Variants in CD6 observed in about 807,000 individuals in gnomAD.
CD6 encodes the protein T-cell differentiation antigen CD6.
CD6 carries 53 observed loss-of-function variants against 75.3 expected under a neutral mutation model. That is an observed-to-expected ratio of 0.70 (90% CI 0.56 to 0.88). The LOEUF (loss-of-function observed/expected upper bound fraction) is 0.88. Among genes scored for constraint, CD6 ranks in the 40% least tolerant of loss-of-function variants. The pLI is 0.00. For missense variants in CD6, 770 were observed against 897.1 expected (o/e 0.86, Z 1.81); for synonymous variants, 359 against 381.5 (o/e 0.94, Z 0.69).
chr11:61,018,515 G>A (rs1367327013), intron 12 of CD6, 122 bp downstream of exon 12: 232 of 585,990 alleles, frequency 4.0e-4, no homozygotes, highest in African/African-American at 5.6e-4. Context: ...TAAAAGAAGA[G>A]AGGGAAAGTA....
intron 1 of CD6, among the ~76,000 whole-genome samples, chr11:60,994,088 G>A (rs1348586737): frequency 6.6e-6 from 1 of 152,172 alleles, no homozygotes; most frequent in Admixed American, 6.6e-5. Flanking sequence ...ATGCATGGAA[G>A]GTATCACACA....
chr11:61,011,205 T>TGTGTGTGTA, intron 6 of CD6, 70 bp downstream of exon 6: 1 of 293,498 alleles, frequency 3.4e-6, no homozygotes. Context: ...GTGTGTGTGT[T>TGTGTGTGTA]CCTGTGCACA....
At chr11:61,012,514 AGAAAATGAAGACAGGGAGAGG>A (rs1859200819) in intron 6 of CD6, among the ~76,000 whole-genome samples, 1 of 152,218 alleles carries the variant, frequency 6.6e-6, no homozygotes, top group South Asian at 2.1e-4. Flanking sequence ...CGGGGAGAGG[AGAAAATGAAGACAGGGAGAGG>A]GTTCTCTCCC....
intron 7 of CD6, 144 bp from the exon 8 acceptor site, chr11:61,013,775 T>C (rs1859268547): frequency 2.8e-6 from 2 of 717,130 alleles, no homozygotes; most frequent in Non-Finnish European, 4.7e-6. Flanking sequence ...CCTGTGTTTG[T>C]GTGTGTGTTT....
chr11:60,982,653 C>T lies in CD6; in HGVS notation c.49+10739C>T, dbSNP rs187747567. ...GCACAGTTGCCAAATGGATTCAGCT[C>T]CTTGGAGAAATATGTTGCTTTGCCG... is the stretch of plus-strand genomic sequence containing the variant. On this transcript the variant is annotated intron_variant, in intron 1 of 12. Coordinates refer to ENST00000313421, the MANE Select transcript of CD6 (RefSeq NM_006725.5). 9.2e-5 allele frequency: 42 copies of T among 456,076 alleles called. No homozygotes were observed. The East Asian group carries it at 1.9e-3, about 21-fold the overall frequency. The allele number at this position is 456,076 out of a possible 1,614,324, so 28.3% of individuals were successfully genotyped here.
At chr11:60,972,874 T>A (rs1294084188) in intron 1 of CD6, among the ~76,000 whole-genome samples, 3 of 152,156 alleles carry the variant, frequency 2.0e-5, no homozygotes, top group Non-Finnish European at 4.4e-5. Context: ...TGCCTTGATC[T>A]CCAGGCATGT....
At chr11:60,992,932 G>C (rs552991612) in intron 1 of CD6, among the ~76,000 whole-genome samples, 2 of 152,266 alleles carry the variant, frequency 1.3e-5, no homozygotes, top group East Asian at 1.9e-4. Context: ...GTCTGGCGGG[G>C]GATCAAGAAG....
intron 9 of CD6, 45 bp from the exon 10 acceptor site, chr11:61,017,434 T>C (rs1461354317): frequency 6.9e-7 from 1 of 1,446,356 alleles, no homozygotes; most frequent in Non-Finnish European, 9.5e-7. Flanking sequence ...TCCTAAATGA[T>C]GAGGTTGAGC....
At position 61,008,595 on chromosome 11, in the gene CD6, G is replaced by A. The variant is rs1218410026; in HGVS notation, c.531G>A (p.Leu177=). The part of the protein sequence containing the change: ...GGACAGRVEM[L]EHGEWGSVCD... The stretch of plus-strand genomic sequence containing the variant: ...CCTGCGCCGGCCGCGTGGAGATGCT[G>A]GAGCATGGCGAGTGGGGATCAGTGT... Residue 177 remains leucine (L), a synonymous_variant, in exon 4 of 13, where the codon CTG becomes CTA. Coordinates refer to ENST00000313421, the MANE Select transcript of CD6 (RefSeq NM_006725.5). 1.9e-6 allele frequency: 3 copies of A among 1,607,938 alleles called. No individual in the cohort carries two copies. The South Asian group carries it at 3.3e-5, about 18-fold the overall frequency.
At chr11:60,986,689 C>A (rs928042520) in intron 1 of CD6, among the ~76,000 whole-genome samples, 1 of 152,300 alleles carries the variant, frequency 6.6e-6, no homozygotes, top group African/African-American at 2.4e-5. Flanking sequence ...TTCCTTCCCC[C>A]GCTCTCAACG....
intron 12 of CD6, 85 bp downstream of exon 12, chr11:61,018,478 C>A: frequency 1.3e-6 from 1 of 786,650 alleles, no homozygotes; most frequent in Non-Finnish European, 1.9e-6. Flanking sequence ...GATGCATTCG[C>A]TCAAGGGGAA....
At chr11:61,008,021 C>T in intron 3 of CD6, 111 bp downstream of exon 3, 1 of 656,164 alleles carries the variant, frequency 1.5e-6, no homozygotes, top group Non-Finnish European at 2.2e-6. Flanking sequence ...GACCTCCACC[C>T]CCACCGCCTA....
chr11:61,014,770 C>G (rs1859325389), intron 8 of CD6, among the ~76,000 whole-genome samples: 1 of 151,872 alleles, frequency 6.6e-6, no homozygotes, highest in South Asian at 2.1e-4. Flanking sequence ...AGTCATTCAT[C>G]CTTTATGATA....
intron 9 of CD6, 101 bp from the exon 10 acceptor site, chr11:61,017,378 T>C (rs1409644133): frequency 1.2e-6 from 1 of 862,668 alleles, no homozygotes; most frequent in East Asian, 2.6e-5. Flanking sequence ...CCTCCCACCC[T>C]ATTCAGCCTA....
At chr11:61,012,617 T>A (rs1439061777) in intron 6 of CD6, among the ~76,000 whole-genome samples, 1 of 152,194 alleles carries the variant, frequency 6.6e-6, no homozygotes, top group Non-Finnish European at 1.5e-5. Context: ...CTGTCACTAC[T>A]AGTCATCTAG....
chr11:60,999,346 C>A (rs1858464188), intron 1 of CD6, among the ~76,000 whole-genome samples: 1 of 150,470 alleles, frequency 6.6e-6, no homozygotes, highest in African/African-American at 2.4e-5. Context: ...CGATGGTTGT[C>A]AGTTCATGAC....
chr11:60,990,473 C>T (rs930696589), intron 1 of CD6, among the ~76,000 whole-genome samples: 1 of 152,126 alleles, frequency 6.6e-6, no homozygotes, highest in Non-Finnish European at 1.5e-5. Context: ...ATCCACTTGC[C>T]TCGGCCTTCC....
At chr11:61,001,378 T>C (rs1391956583) in intron 1 of CD6, among the ~76,000 whole-genome samples, 2 of 152,030 alleles carry the variant, frequency 1.3e-5, no homozygotes. Flanking sequence ...AACTTTTGTA[T>C]TTTTAGTAGA....
chr11:60,996,140 A>G (rs941569129), intron 1 of CD6, among the ~76,000 whole-genome samples: 1 of 152,052 alleles, frequency 6.6e-6, no homozygotes, highest in Non-Finnish European at 1.5e-5. Context: ...AAGATACTAA[A>G]CCGCTCTGTG....
Sources: gnomAD v4.1 joint callset for allele counts (sites outside exome capture counted in the v4.1 genomes callset) on GRCh38, gnomAD v4.1.1 for gene constraint, MANE v1.5 for transcripts, NCBI Gene and HGNC (gene_info 2026-07-23, HGNC 2026-07-21) for gene names.